Variants in NTSR2 observed in about 807,000 individuals in gnomAD.
The protein encoded by NTSR2 is neurotensin receptor 2.
NTSR2 carries 22 observed loss-of-function variants against 24.1 expected under a neutral mutation model. The ratio of observed to expected loss-of-function variants is 0.91; its 90% CI spans 0.65 to 1.30. The LOEUF is 1.30. NTSR2 is among the 50% of genes most tolerant of loss of function. The pLI is 0.00. For synonymous variants in NTSR2, 291 were observed against 267.0 expected (o/e 1.09, Z -0.88); for missense variants, 570 against 570.4 (o/e 1.00, Z 0.01).
chr2:11,669,958 G>A lies in NTSR2; in HGVS notation c.172C>T (p.Leu58=), dbSNP rs1661297065. The part of the protein sequence containing the change: ...AGNALSAHVV[L]KARAGRAGRL... ...CCCGCGCGCCCGGCCCGCGCCTTCAGCACCACGTGCGCGGACAGCGCATTG... is the reference window on the plus strand; with the variant it reads ...CCCGCGCGCCCGGCCCGCGCCTTCAACACCACGTGCGCGGACAGCGCATTG... The change falls in exon 1 of 4, where the codon CTG becomes TTG. Residue 58 remains leucine, a synonymous_variant. Coordinates refer to ENST00000306928, the MANE Select transcript of NTSR2 (RefSeq NM_012344.4). 16 of 1,510,626 alleles carry A rather than the reference G, an allele frequency of 1.1e-5. No individual in the cohort carries two copies. The highest frequency in any genetic ancestry group is 1.4e-5 in the Non-Finnish European group (16 of 1,136,580). 93.6% of individuals were successfully genotyped at this position (1,510,626 alleles called of 1,614,324 possible).
chr2:11,669,459 C>CCGGGGGGGGGGGGG, intron 1 of NTSR2, 47 bp downstream of exon 1: 140 of 337,792 alleles, frequency 4.1e-4, no homozygotes, highest in East Asian at 6.0e-4. Context: ...CTCCCAGCAC[C>CCGGGGGGGGGGGGG]GCCCCCCCAC....
In NTSR2 at chr2:11,669,771, T is replaced by C. The variant is rs772263271; in HGVS notation, c.359A>G (p.Tyr120Cys). 1 of 1,545,926 alleles carries C rather than the reference T, an allele frequency of 6.5e-7. No individual in the cohort carries two copies. Among genetic ancestry groups the C allele is most frequent in the Admixed American group, 1.9e-5 (1 of 51,954 alleles). Residue 120 changes from tyrosine to cysteine, a missense_variant, in exon 1 of 4, where the codon TAC (tyrosine) becomes TGC (cysteine). Transcript: ENST00000306928. ...GCCTGCCACGCTCAGCACCGTGGCGTAGGCGCACAGCTCGTGCACGAAGTA... is the reference window on the plus strand; with the variant it reads ...GCCTGCCACGCTCAGCACCGTGGCGCAGGCGCACAGCTCGTGCACGAAGTA... ...GYYFVHELCA[Y>C]ATVLSVAGLS...
rs1352807659 is a variant in NTSR2, at chr2:11,660,177, A to G, written c.899-44T>C. 7 of 1,470,140 alleles carry G rather than the reference A, an allele frequency of 4.8e-6. No homozygotes were observed. In the African/African-American group the frequency reaches 6.9e-5, roughly 15 times the overall value. 91.1% of individuals were successfully genotyped at this position (1,470,140 alleles called of 1,614,324 possible). A position where few individuals can be genotyped will look rare whatever the true frequency, so the allele number is the denominator to read the frequency against. ...GGAGAGACAGCGCCAGGAGAAAGCAAACACATTCTCAGTTACACCATTGCA... is the reference window on the plus strand; with the variant it reads ...GGAGAGACAGCGCCAGGAGAAAGCAGACACATTCTCAGTTACACCATTGCA... On this transcript the variant is annotated intron_variant, in intron 2 of 3. Transcript: ENST00000306928.
Position 11,669,605 on chromosome 2 carries a change from C to A in NTSR2, c.525G>T (p.Gly175=), listed in dbSNP as rs747001406. 2 of 1,584,240 alleles carry A rather than the reference C, an allele frequency of 1.3e-6. No homozygotes were observed. Among genetic ancestry groups the A allele is most frequent in the Non-Finnish European group, 1.7e-6 (2 of 1,172,488 alleles). The part of the protein sequence containing the change: ...GLALPMAVIM[G]QKHELETADG... ...CCGCCGTCTCGAGTTCGTGCTTCTG[C>A]CCCATGATGACGGCCATGGGCAGGG... is the stretch of plus-strand genomic sequence containing the variant. Residue 175 remains glycine (G), a synonymous_variant, in exon 1 of 4, where the codon GGG becomes GGT. Coordinates refer to ENST00000306928, the MANE Select transcript of NTSR2 (RefSeq NM_012344.4).
intron 2 of NTSR2, among the ~76,000 whole-genome samples, chr2:11,661,327 G>A (rs533767178): frequency 2.0e-4 from 30 of 152,330 alleles, no homozygotes; most frequent in Non-Finnish European, 3.8e-4. Context: ...ACCTTCATGT[G>A]CTGACTTTGT....
At position 11,669,745 on chromosome 2, in the gene NTSR2, G is replaced by A. The variant is rs1661286839; in HGVS notation, c.385C>T (p.Leu129=). The A allele has an allele frequency of 6.5e-7, 1 of 1,536,506 alleles. No individual in the cohort carries two copies. The change falls in exon 1 of 4, where the codon CTG becomes TTG. Residue 129 remains leucine (L), a synonymous_variant. Transcript: ENST00000306928. The part of the protein sequence containing the change: ...AYATVLSVAG[L]SAERCLAVCQ... ...ACGGCTAGGCAGCGCTCGGCGCTCA[G>A]GCCTGCCACGCTCAGCACCGTGGCG...
At chr2:11,668,460 T>C (rs1023022053) in intron 1 of NTSR2, among the ~76,000 whole-genome samples, 1 of 152,190 alleles carries the variant, frequency 6.6e-6, no homozygotes, top group Non-Finnish European at 1.5e-5. Flanking sequence ...CTTAGGAGAC[T>C]GCTTAGGACG....
intron 1 of NTSR2, 46 bp downstream of exon 1, chr2:11,669,460 G>GGGGGGGGGGGGGGCCCC: frequency 5.5e-5 from 14 of 254,716 alleles, no homozygotes; most frequent in East Asian, 1.6e-4. Context: ...TCCCAGCACC[G>GGGGGGGGGGGGGGCCCC]CCCCCCCACC....
At chr2:11,665,064 T>TG (rs1167192565) in intron 1 of NTSR2, among the ~76,000 whole-genome samples, 34 of 146,076 alleles carry the variant, frequency 2.3e-4, no homozygotes, top group African/African-American at 8.2e-4. Context: ...TGTTTTTTTT[T>TG]TTTTTTTTTT....
intron 1 of NTSR2, among the ~76,000 whole-genome samples, chr2:11,667,810 G>A (rs576630426): frequency 9.8e-5 from 15 of 152,320 alleles, no homozygotes; most frequent in South Asian, 2.1e-4. Context: ...TTCCAGGTGC[G>A]CATTGGAGCC....
rs201528903 is a variant in NTSR2 at position 11,662,003 on chromosome 2, G to A, written c.862C>T (p.Arg288Trp). ...VSLVRHKDVR[R>W]IRSLQRSVQV... ...ACGCTGCGCTGGAGGCTGCGGATCC[G>A]GCGCACGTCTTTATGTCTCACCAGG... The change falls in exon 2 of 4, where the codon CGG (arginine) becomes TGG (tryptophan). Residue 288 changes from arginine to tryptophan, a missense_variant. Physicochemically the swap from Arg to Trp is moderately radical, Grantham distance 101. Coordinates refer to ENST00000306928, the MANE Select transcript of NTSR2 (RefSeq NM_012344.4). 1.8e-5 allele frequency: 29 copies of A among 1,610,324 alleles called. No individual in the cohort carries two copies. In the Admixed American group the frequency reaches 2.0e-4, roughly 11 times the overall value.
Position 11,669,716 on chromosome 2 carries a change from G to C in NTSR2, c.414C>G (p.Cys138Trp). The C allele has an allele frequency of 2.6e-6, 4 of 1,530,612 alleles. No homozygotes were observed. Among genetic ancestry groups the C allele is most frequent in the Non-Finnish European group, 3.5e-6 (4 of 1,143,560 alleles). The allele number at this position is 1,530,612 out of a possible 1,614,324, so 94.8% of individuals were successfully genotyped here. A position where few individuals can be genotyped will look rare whatever the true frequency, so the allele number is the denominator to read the frequency against. Residue 138 changes from cysteine (C) to tryptophan (W), a missense_variant, in exon 1 of 4, where the codon TGC becomes TGG. Cys to Trp is a radical substitution (Grantham distance 215, BLOSUM62 -2). Coordinates refer to ENST00000306928, the MANE Select transcript of NTSR2 (RefSeq NM_012344.4). Reference sequence around the variant, plus strand: ...GCAGGCTGCGGGCACGCAGGGGCTGGCACACGGCTAGGCAGCGCTCGGCGC... The same window carrying C: ...GCAGGCTGCGGGCACGCAGGGGCTGCCACACGGCTAGGCAGCGCTCGGCGC... Reference protein sequence around the residue: ...GLSAERCLAVCQPLRARSLLT... With the variant: ...GLSAERCLAVWQPLRARSLLT...
rs529612418 is a variant in NTSR2 at position 11,666,570 on chromosome 2, G to A, written c.624+2936C>T. Among the ~76,000 whole-genome samples, 8 of 152,162 alleles carry A rather than the reference G, an allele frequency of 5.3e-5. No individual in the cohort carries two copies. In the South Asian group the frequency reaches 1.7e-3, roughly 32 times the overall value. ...AAAAATTAGCTGGGCGTGGTGGCACGTGCCTGTAGTCTCAGCTACTTGGGA... is the reference window on the plus strand; with the variant it reads ...AAAAATTAGCTGGGCGTGGTGGCACATGCCTGTAGTCTCAGCTACTTGGGA... On this transcript the variant is annotated intron_variant, in intron 1 of 3. Coordinates refer to ENST00000306928, the MANE Select transcript of NTSR2 (RefSeq NM_012344.4).
chr2:11,669,493 T>TCCCCCCCCCCCCC lies in NTSR2; in HGVS notation c.624+12_624+13insGGGGGGGGGGGGG. 4.4e-6 allele frequency: 2 copies of TCCCCCCCCCCCCC among 457,510 alleles called. No individual in the cohort carries two copies. The highest frequency in any genetic ancestry group is 4.4e-5 in the South Asian group (1 of 22,878). The allele number at this position is 457,510 out of a possible 1,614,324, so 28.3% of individuals were successfully genotyped here. ...ACCCCCCCTCCCCCGACTCCCGCTCTCCACGCCCTTACCTGGATAAAGACT... is the reference window on the plus strand; with the variant it reads ...ACCCCCCCTCCCCCGACTCCCGCTCTCCCCCCCCCCCCCCCACGCCCTTACCTGGATAAAGACT... On this transcript the variant is annotated intron_variant, in intron 1 of 3. Transcript: ENST00000306928.
Position 11,669,460 on chromosome 2 carries a change from G to GGCCCCCCCCCCCCCCCCCC in NTSR2, c.624+45_624+46insGGGGGGGGGGGGGGGGGGC. On this transcript the variant is annotated intron_variant, in intron 1 of 3. Transcript: ENST00000306928. ...GAGGGGGTTCCCTCCTCCCAGCACC[G>GGCCCCCCCCCCCCCCCCCC]CCCCCCCACCCCCCCTCCCCCGACT... is the stretch of plus-strand genomic sequence containing the variant. 2.4e-5 allele frequency: 6 copies of GGCCCCCCCCCCCCCCCCCC among 254,722 alleles called. 1 individual carries two copies. The highest frequency in any genetic ancestry group is 3.1e-4 in the South Asian group (2 of 6,444). The allele number at this position is 254,722 out of a possible 1,614,324, so 15.8% of individuals were successfully genotyped here.
Position 11,658,609 on chromosome 2 carries a change from A to T in NTSR2, c.1103T>A (p.Leu368His). ...CAGGGAGCTGACGGCTTCCAGGAAGAGTTTTCTGAAGGAGGAGGACACGGC... is the reference window on the plus strand; with the variant it reads ...CAGGGAGCTGACGGCTTCCAGGAAGTGTTTTCTGAAGGAGGAGGACACGGC... ...YNAVSSSFRKLFLEAVSSLCG... is the reference protein window; with the variant it reads ...YNAVSSSFRKHFLEAVSSLCG... The change falls in exon 4 of 4, where the codon CTC (leucine) becomes CAC (histidine). Residue 368 changes from leucine (L) to histidine (H), a missense_variant. By Grantham distance (99) the Leu-to-His change is moderately conservative. Transcript: ENST00000306928. 1 of 1,614,100 alleles carries T rather than the reference A, an allele frequency of 6.2e-7. No individual in the cohort carries two copies. The highest frequency in any genetic ancestry group is 8.5e-7 in the Non-Finnish European group (1 of 1,180,010).
In NTSR2 at chr2:11,658,649, G is replaced by A. The variant is rs1660988305; in HGVS notation, c.1063C>T (p.Pro355Ser). 1.2e-6 allele frequency: 2 copies of A among 1,614,182 alleles called. No homozygotes were observed. The highest frequency in any genetic ancestry group is 2.2e-5 in the East Asian group (1 of 44,880). The change falls in exon 4 of 4, where the codon CCT (proline) becomes TCT (serine). Residue 355 changes from proline to serine, a missense_variant. Coordinates refer to ENST00000306928, the MANE Select transcript of NTSR2 (RefSeq NM_012344.4). ...GAGGACACGGCGTTGTAGAGAAGAG[G>A]AGTCACAGCTGAGCTGACGTAGAAA... ...TLFYVSSAVT[P>S]LLYNAVSSSF...
intron 1 of NTSR2, among the ~76,000 whole-genome samples, chr2:11,667,181 T>G (rs572443104): frequency 2.6e-5 from 4 of 152,260 alleles, no homozygotes; most frequent in Admixed American, 2.6e-4. Flanking sequence ...TGACCTGAGA[T>G]CTCTGCCCCA....
chr2:11,663,542 CCATA>C (rs1167671784), intron 1 of NTSR2, among the ~76,000 whole-genome samples: 1 of 152,104 alleles, frequency 6.6e-6, no homozygotes, highest in Non-Finnish European at 1.5e-5. Flanking sequence ...AAAAAAAAGG[CCATA>C]CATTATTAAC....
Sources: gnomAD v4.1 joint callset for allele counts (sites outside exome capture counted in the v4.1 genomes callset) on GRCh38, gnomAD v4.1.1 for gene constraint, MANE v1.5 for transcripts, NCBI Gene and HGNC (gene_info 2026-07-23, HGNC 2026-07-21) for gene names.